Variants in RPA3 observed in about 807,000 individuals in gnomAD.
RPA3 encodes the protein replication protein A 14 kDa subunit.
A neutral mutation model predicts 13.7 loss-of-function variants in RPA3; 24 were observed. That is an observed-to-expected ratio of 1.75 (90% CI 1.27 to 2.46). RPA3 has a LOEUF of 2.46. Among genes scored for constraint, RPA3 ranks in the 30% most tolerant of loss-of-function variants. The pLI, the probability that RPA3 is intolerant of heterozygous loss-of-function variation, is 0.00. For missense variants in RPA3, 183 were observed against 151.0 expected (o/e 1.21, Z -1.11); for synonymous variants, 59 against 51.2 (o/e 1.15, Z -0.65).
intron 1 of RPA3, among the ~76,000 whole-genome samples, chr7:7,715,893 C>G (rs987951088): frequency 6.6e-6 from 1 of 152,070 alleles, no homozygotes; most frequent in African/African-American, 2.4e-5. Flanking sequence ...ACATTTTAAC[C>G]ATTTACTAAA....
intron 4 of RPA3, among the ~76,000 whole-genome samples, chr7:7,680,870 T>C (rs573084538): frequency 3.3e-5 from 5 of 152,248 alleles, no homozygotes; most frequent in Admixed American, 6.5e-5. Flanking sequence ...AAAAATGCTA[T>C]TGATTTTTGT....
At chr7:7,637,477 A>T (rs1204892553) in intron 7 of RPA3, among the ~76,000 whole-genome samples, 1 of 152,176 alleles carries the variant, frequency 6.6e-6, no homozygotes, top group Non-Finnish European at 1.5e-5. Context: ...CCAAAACAAA[A>T]TGTACCCCCA....
chr7:7,710,967 T>C (rs1050382238), intron 2 of RPA3, among the ~76,000 whole-genome samples: 5 of 152,236 alleles, frequency 3.3e-5, no homozygotes, highest in Non-Finnish European at 7.3e-5. Flanking sequence ...ACTTCATTTA[T>C]GTAGCATTCT....
chr7:7,657,044 A>G (rs896655937), intron 4 of RPA3, among the ~76,000 whole-genome samples: 2 of 151,978 alleles, frequency 1.3e-5, no homozygotes, highest in Non-Finnish European at 2.9e-5. Context: ...TGTGGTTTTG[A>G]TTTGCATTTC....
chr7:7,716,777 C>T (rs1040242635), intron 1 of RPA3, among the ~76,000 whole-genome samples: 1 of 152,194 alleles, frequency 6.6e-6, no homozygotes. Context: ...AACCCCGTCT[C>T]TACTAAAAGC....
intron 2 of RPA3, among the ~76,000 whole-genome samples, chr7:7,711,666 A>G (rs1246039161): frequency 2.0e-5 from 3 of 152,200 alleles, no homozygotes; most frequent in Non-Finnish European, 2.9e-5. Context: ...TAAAATCACT[A>G]TTGATCTCTT....
Position 7,636,930 on chromosome 7 carries a change from C to G in RPA3, c.*70G>C. The G allele has an allele frequency of 7.0e-6, 8 of 1,140,056 alleles. No individual in the cohort carries two copies. Among genetic ancestry groups the G allele is most frequent in the East Asian group, 4.8e-5 (2 of 41,920 alleles). 70.6% of individuals were successfully genotyped at this position (1,140,056 alleles called of 1,614,324 possible). ...TGAGAAAGCACAGAAATCTCTCCCT[C>G]AAACAAGAAGGGCTTCCTTTAATAG... is the stretch of plus-strand genomic sequence containing the variant. On this transcript the variant is annotated 3_prime_UTR_variant, in exon 8 of 8. Transcript: ENST00000223129.
intron 4 of RPA3, among the ~76,000 whole-genome samples, chr7:7,662,499 G>T (rs530544674): frequency 6.6e-6 from 1 of 152,210 alleles, no homozygotes; most frequent in South Asian, 2.1e-4. Context: ...TGGGAAAAGC[G>T]TAGTATCCGG....
At chr7:7,700,669 C>T (rs1320479825) in intron 2 of RPA3, among the ~76,000 whole-genome samples, 2 of 152,194 alleles carry the variant, frequency 1.3e-5, no homozygotes, top group Non-Finnish European at 2.9e-5. Context: ...GAGCAGATCA[C>T]CCAAGGTCAG....
chr7:7,687,698 C>T (rs1225619568), intron 2 of RPA3, among the ~76,000 whole-genome samples: 1 of 152,182 alleles, frequency 6.6e-6, no homozygotes, highest in East Asian at 1.9e-4. Context: ...CTTCCTACAA[C>T]CGGTATTTCC....
At position 7,676,451 on chromosome 7, in the gene RPA3, A is replaced by C. The variant is rs1246748107; in HGVS notation, c.-758+9379T>G. Among the ~76,000 whole-genome samples, 4 of 152,190 alleles carry C rather than the reference A, an allele frequency of 2.6e-5. No homozygotes were observed. In the East Asian group the frequency reaches 7.7e-4, roughly 29 times the overall value. ...CCCAGGCAATCTGACTTCAGAACCT[A>C]TCCTCTAAACCACTGAACTATCCAT... On this transcript the variant is annotated intron_variant, in intron 4 of 7. Transcript: ENST00000223129.
At position 7,688,822 on chromosome 7, in the gene RPA3, A is replaced by G. The variant is rs115232388; in HGVS notation, c.-1027-1494T>C. Among the ~76,000 whole-genome samples the G allele has an allele frequency of 4.5e-3, 681 of 152,298 alleles. 7 individuals carry two copies. The highest frequency in any genetic ancestry group is 0.016 in the African/African-American group (655 of 41,572). ...ATCAAAAAGCTGATCCTCAGTCTGT[A>G]TATTGTTAATAGCTTTTGTAATGAC... On this transcript the variant is annotated intron_variant, in intron 2 of 7. Transcript: ENST00000223129.
At chr7:7,718,093 A>G (rs1404191908) in intron 1 of RPA3, among the ~76,000 whole-genome samples, 2 of 152,218 alleles carry the variant, frequency 1.3e-5, no homozygotes, top group African/African-American at 4.8e-5. Flanking sequence ...TTAACTTCAC[A>G]TTGTTGTATA....
chr7:7,665,005 A>G (rs1779401434), intron 4 of RPA3, among the ~76,000 whole-genome samples: 1 of 134,816 alleles, frequency 7.4e-6, no homozygotes, highest in Admixed American at 7.4e-5. Context: ...ATATATAGAT[A>G]TATATATATA....
rs544141203 is a variant in RPA3, at chr7:7,658,240, A to G, written c.-757-17065T>C. ...GACGATGGGGTTTTCTAAATATACA[A>G]TCATGTCATCTGCAAACAGAGACAA... On this transcript the variant is annotated intron_variant, in intron 4 of 7. Coordinates refer to ENST00000223129, the MANE Select transcript of RPA3 (RefSeq NM_002947.5). Among the ~76,000 whole-genome samples, 222 of 152,370 alleles carry G rather than the reference A, an allele frequency of 1.5e-3. 2 individuals are homozygous for G. Among genetic ancestry groups the G allele is most frequent in the Non-Finnish European group, 2.1e-3 (142 of 68,038 alleles).
intron 5 of RPA3, chr7:7,640,060 C>T (rs1784928462): frequency 2.0e-6 from 1 of 495,232 alleles, no homozygotes; most frequent in Non-Finnish European, 3.6e-6. Flanking sequence ...ATTTCCCTTA[C>T]GTAAGCACGG....
intron 4 of RPA3, among the ~76,000 whole-genome samples, chr7:7,683,332 AT>A (rs747917117): frequency 5.9e-5 from 9 of 152,084 alleles, no homozygotes; most frequent in African/African-American, 2.2e-4. Flanking sequence ...CCAGGAATTG[AT>A]TTTTTCCCCC....
chr7:7,640,743 C>G lies in RPA3; in HGVS notation c.-325G>C. ...ACTACCTTTCTGCGATCACAGGATTCCCGGCGGTGACTTGACCCCGGAAGT... is the reference window on the plus strand; with the variant it reads ...ACTACCTTTCTGCGATCACAGGATTGCCGGCGGTGACTTGACCCCGGAAGT... On this transcript the variant is annotated 5_prime_UTR_variant, in exon 5 of 8. Coordinates refer to ENST00000223129, the MANE Select transcript of RPA3 (RefSeq NM_002947.5). 1 of 271,552 alleles carries G rather than the reference C, an allele frequency of 3.7e-6. No individual in the cohort carries two copies. Among genetic ancestry groups the G allele is most frequent in the East Asian group, 9.4e-5 (1 of 10,628 alleles). 16.8% of individuals were successfully genotyped at this position (271,552 alleles called of 1,614,324 possible). A position where few individuals can be genotyped will look rare whatever the true frequency, so the allele number is the denominator to read the frequency against.
At chr7:7,695,740 T>C (rs1219270862) in intron 2 of RPA3, among the ~76,000 whole-genome samples, 1 of 152,184 alleles carries the variant, frequency 6.6e-6, no homozygotes, top group Non-Finnish European at 1.5e-5. Flanking sequence ...CCTAGCATCT[T>C]TAATATCTAT....
Sources: allele counts gnomAD v4.1 joint callset (sites outside exome capture counted in the v4.1 genomes callset), GRCh38; gene constraint gnomAD v4.1.1; transcripts MANE v1.5; gene names NCBI Gene and HGNC (gene_info 2026-07-23, HGNC 2026-07-21).